The following IL16 variants were observed in gnomAD, a reference collection of about 807,000 sequenced individuals.
The protein encoded by IL16 is interleukin 16.
In IL16, 67 loss-of-function variants were observed where a neutral mutation model predicts 110.1. The observed-to-expected ratio is 0.61, with a 90% CI of 0.50 to 0.75. IL16 has a LOEUF of 0.75. Among genes scored for constraint, IL16 ranks in the 30% least tolerant of loss-of-function variants. The pLI is 0.00. For synonymous variants in IL16, 689 were observed against 662.9 expected (o/e 1.04, Z -0.61); for missense variants, 1,545 against 1,655.0 (o/e 0.93, Z 1.15).
chr15:81,230,855 T>C (rs1896946779), intron 2 of IL16, among the ~76,000 whole-genome samples: 2 of 152,140 alleles, frequency 1.3e-5, no homozygotes, highest in African/African-American at 2.4e-5. Context: ...AGGCTCAGTA[T>C]ACATGGGTGG....
chr15:81,299,335 C>T (rs1267503445), intron 13 of IL16, 45 bp from the exon 14 acceptor site: 1 of 1,604,034 alleles, frequency 6.2e-7, no homozygotes, highest in Non-Finnish European at 8.5e-7. Context: ...AGAAAAGTCA[C>T]TGTATGATGT....
intron 6 of IL16, among the ~76,000 whole-genome samples, chr15:81,276,730 A>C (rs1355008021): frequency 1.3e-5 from 2 of 152,246 alleles, no homozygotes; most frequent in Non-Finnish European, 2.9e-5. Flanking sequence ...ACTAGTCCCA[A>C]ACCAGTGAAA....
chr15:81,201,870 A>G (rs1177018885), intron 1 of IL16, among the ~76,000 whole-genome samples: 6 of 152,190 alleles, frequency 3.9e-5, no homozygotes, highest in Non-Finnish European at 8.8e-5. Flanking sequence ...AATTCTATGT[A>G]GCACAAAAAG....
intron 1 of IL16, among the ~76,000 whole-genome samples, chr15:81,184,206 G>C (rs982939059): frequency 6.6e-6 from 1 of 152,156 alleles, no homozygotes; most frequent in Non-Finnish European, 1.5e-5. Context: ...TCCGTGTTTG[G>C]TGAAACCATT....
chr15:81,301,875 G>A (rs1012602149), intron 15 of IL16, among the ~76,000 whole-genome samples: 3 of 152,204 alleles, frequency 2.0e-5, no homozygotes, highest in African/African-American at 7.2e-5. Flanking sequence ...GTTGTGGGAT[G>A]CTGTCCATTG....
intron 1 of IL16, chr15:81,183,000 G>T (rs774958105): frequency 1.1e-5 from 7 of 656,432 alleles, no homozygotes; most frequent in Non-Finnish European, 1.7e-5. Context: ...CATGGTTTTG[G>T]TCCCACTGTG....
Position 81,313,839 on chromosome 15 carries a change from G to A in IL16, c.*5041G>A, listed in dbSNP as rs8031929. On this transcript the variant is annotated 3_prime_UTR_variant, in exon 19 of 19. Coordinates refer to ENST00000683961, the MANE Select transcript of IL16 (RefSeq NM_172217.5). ...GTTAACACTATTTTTATAACAACAC[G>A]AACATGTGATTCGCCTTCTCTCACA... 0.033 allele frequency: 4,989 copies of A among 152,786 alleles called. 259 individuals carry two copies. The highest frequency in any genetic ancestry group is 0.11 in the African/African-American group (4,672 of 41,510). 9.5% of individuals were successfully genotyped at this position (152,786 alleles called of 1,614,324 possible). A position where few individuals can be genotyped will look rare whatever the true frequency, so the allele number is the denominator to read the frequency against.
At chr15:81,210,182 G>A (rs1896184992) in intron 1 of IL16, among the ~76,000 whole-genome samples, 1 of 152,146 alleles carries the variant, frequency 6.6e-6, no homozygotes, top group African/African-American at 2.4e-5. Context: ...TTGTAGGGGT[G>A]CAGTTTTATT....
At chr15:81,195,566 C>T (rs545563692), upstream of IL16, among the ~76,000 whole-genome samples, 7 of 152,180 alleles carry the variant, frequency 4.6e-5, no homozygotes, top group Non-Finnish European at 7.3e-5. Context: ...TCCCTCCTCC[C>T]GTGCTTCCCT....
In IL16 at chr15:81,313,449, G is replaced by A; in HGVS notation, c.*4651G>A. The A allele has an allele frequency of 1.4e-6, 2 of 1,452,422 alleles. No homozygotes were observed. Among genetic ancestry groups the A allele is most frequent in the South Asian group, 1.5e-5 (1 of 64,852 alleles). 90.0% of individuals were successfully genotyped at this position (1,452,422 alleles called of 1,614,324 possible). ...CTGTGTTATGATCTGCAGCAGAGGT[G>A]CTGGGGACGAGCGCCAGGCAGGTGA... On this transcript the variant is annotated 3_prime_UTR_variant, in exon 19 of 19. Coordinates refer to ENST00000683961, the MANE Select transcript of IL16 (RefSeq NM_172217.5).
At chr15:81,248,017 T>C (rs1375629571) in intron 2 of IL16, among the ~76,000 whole-genome samples, 2 of 152,222 alleles carry the variant, frequency 1.3e-5, no homozygotes, top group Non-Finnish European at 2.9e-5. Context: ...TCTATCAGTT[T>C]CTTAAGGAGT....
chr15:81,214,857 G>A (rs756325604), intron 1 of IL16, among the ~76,000 whole-genome samples: 12 of 152,038 alleles, frequency 7.9e-5, no homozygotes, highest in Non-Finnish European at 1.6e-4. Context: ...CTGATTGAGT[G>A]GATTCAAGGA....
rs1567005510 is a variant in IL16, at chr15:81,225,657, C to T, written c.258C>T (p.Leu86=). The change falls in exon 2 of 19, where the codon CTC becomes CTT. Residue 86 remains leucine (L), a synonymous_variant. Coordinates refer to ENST00000683961, the MANE Select transcript of IL16 (RefSeq NM_172217.5). ...DLALASEAAQ[L]QAAGNDRGKT... is the part of the protein sequence containing the mutation. ...CACTGGCCTCGGAGGCTGCTCAACT[C>T]CAAGCAGCTGGGAATGATCGAGGCA... 6.2e-7 allele frequency: 1 copy of T among 1,614,008 alleles called. No individual in the cohort carries two copies. Among genetic ancestry groups the T allele is most frequent in the Non-Finnish European group, 8.5e-7 (1 of 1,179,964 alleles).
intron 1 of IL16, among the ~76,000 whole-genome samples, chr15:81,219,314 G>A (rs1394620619): frequency 1.3e-5 from 2 of 152,150 alleles, no homozygotes; most frequent in Non-Finnish European, 2.9e-5. Context: ...ATTCCATGAG[G>A]AATGAGCTTT....
At chr15:81,212,851 TTTG>T in intron 1 of IL16, among the ~76,000 whole-genome samples, 1 of 152,320 alleles carries the variant, frequency 6.6e-6, no homozygotes, top group South Asian at 2.1e-4. Context: ...TCACTGATCT[TTTG>T]TTTGGATTTT....
chr15:81,264,451 TG>T (rs1288515248), intron 3 of IL16, among the ~76,000 whole-genome samples: 1 of 152,198 alleles, frequency 6.6e-6, no homozygotes, highest in East Asian at 1.9e-4. Context: ...CAAGCTACCC[TG>T]GCCAGTGGCT....
intron 8 of IL16, among the ~76,000 whole-genome samples, 165 bp downstream of exon 8, chr15:81,279,939 C>T (rs1432940322): frequency 6.6e-6 from 1 of 152,196 alleles, no homozygotes; most frequent in African/African-American, 2.4e-5. Context: ...TTTATAGAAG[C>T]TCAAGACATA....
chr15:81,221,052 G>A (rs1008901127), intron 1 of IL16, among the ~76,000 whole-genome samples: 2 of 151,598 alleles, frequency 1.3e-5, no homozygotes, highest in Non-Finnish European at 2.9e-5. Flanking sequence ...TTTTGGCACA[G>A]TGTCCTTACC....
At chr15:81,288,848 T>TGTGTGTGTGTGC (rs544352797) in intron 10 of IL16, among the ~76,000 whole-genome samples, 82 of 150,864 alleles carry the variant, frequency 5.4e-4, no homozygotes, top group South Asian at 2.1e-3. Flanking sequence ...TGTGTGTGTG[T>TGTGTGTGTGTGC]GCGTGTGTGT....
Sources: allele counts gnomAD v4.1 joint callset (sites outside exome capture counted in the v4.1 genomes callset), GRCh38; gene constraint gnomAD v4.1.1; transcripts MANE v1.5; gene names NCBI Gene and HGNC (gene_info 2026-07-23, HGNC 2026-07-21).